Variants in PRMT8 observed in about 807,000 individuals in gnomAD.
PRMT8 encodes the protein protein arginine N-methyltransferase 8.
PRMT8 carries 7 observed loss-of-function variants against 47.1 expected under a neutral mutation model. The ratio of observed to expected loss-of-function variants is 0.15; its 90% CI spans 0.08 to 0.28. The LOEUF (loss-of-function observed/expected upper bound fraction) is 0.28. Among genes scored for constraint, PRMT8 ranks in the 10% least tolerant of loss-of-function variants. The probability of loss-of-function intolerance (pLI) is 1.00; values close to 1 mark genes in which losing one functional copy is unlikely to be tolerated. For missense variants in PRMT8, 237 were observed against 505.4 expected, an observed-to-expected ratio of 0.47 and a Z score of 5.09; for synonymous variants, 188 against 186.5, an observed-to-expected ratio of 1.01 and a Z score of -0.07.
chr12:3,568,040 C>A (rs887377894), intron 4 of PRMT8, among the ~76,000 whole-genome samples: 3 of 150,964 alleles, frequency 2.0e-5, no homozygotes, highest in East Asian at 1.9e-4. Flanking sequence ...CCACTGCACT[C>A]CAGCCTGGGC....
chr12:3,435,160 G>A (rs572468791), intron 1 of PRMT8, among the ~76,000 whole-genome samples: 21 of 151,932 alleles, frequency 1.4e-4, no homozygotes, highest in Non-Finnish European at 2.6e-4. Flanking sequence ...GTAGAGATGG[G>A]GTTTCACCAT....
At chr12:3,385,589 G>A (rs1459750943) in intron 1 of PRMT8, among the ~76,000 whole-genome samples, 1 of 128,522 alleles carries the variant, frequency 7.8e-6, no homozygotes. Context: ...CACTTTATTA[G>A]GCTATGTCTT....
intron 1 of PRMT8, among the ~76,000 whole-genome samples, chr12:3,397,813 G>A (rs900752671): frequency 6.6e-6 from 1 of 152,084 alleles, no homozygotes; most frequent in Admixed American, 6.5e-5. Flanking sequence ...CCCCAGCCTC[G>A]CTGCCGCCTT....
At chr12:3,540,581 C>A (rs1253135048) in intron 1 of PRMT8, 25 bp from the exon 2 acceptor site, 2 of 1,499,204 alleles carry the variant, frequency 1.3e-6, no homozygotes, top group Non-Finnish European at 1.9e-6. Flanking sequence ...TCTCCTAACA[C>A]CCGACCCCCT....
At chr12:3,470,183 G>A (rs1356038692) in intron 1 of PRMT8, among the ~76,000 whole-genome samples, 1 of 152,212 alleles carries the variant, frequency 6.6e-6, no homozygotes, top group Admixed American at 6.5e-5. Flanking sequence ...AAATAGCAGG[G>A]AATGGGATGC....
At chr12:3,487,209 G>A (rs1437686589), upstream of PRMT8, among the ~76,000 whole-genome samples, 1 of 152,232 alleles carries the variant, frequency 6.6e-6, no homozygotes, top group Non-Finnish European at 1.5e-5. Flanking sequence ...ATTCACTGCA[G>A]TGTGCTGTGG....
intron 1 of PRMT8, among the ~76,000 whole-genome samples, chr12:3,481,520 C>T (rs1420257304): frequency 4.6e-5 from 7 of 152,192 alleles, no homozygotes; most frequent in Admixed American, 4.6e-4. Context: ...TCTAATTCTG[C>T]ACAACATCCA....
In PRMT8 at chr12:3,508,948, C is replaced by G. The variant is rs191422948; in HGVS notation, c.75+17248C>G. ...TCCATAACAAGACCTGGCGATTCTA[C>G]ATCTGAAATGTTTCTCCTCTTTGTC... is the stretch of plus-strand genomic sequence containing the variant. On this transcript the variant is annotated intron_variant, in intron 1 of 9. Coordinates refer to ENST00000382622, the MANE Select transcript of PRMT8 (RefSeq NM_019854.5). The surrounding 1 kb of genome is among the most constrained non-coding windows in gnomAD (Gnocchi z 4.9). Among the ~76,000 whole-genome samples the G allele has an allele frequency of 2.3e-3, 352 of 152,304 alleles. 5 individuals carry two copies. The highest frequency in any genetic ancestry group is 0.014 in the Middle Eastern group (4 of 294).
rs777360845 is a variant in PRMT8 at position 3,564,192 on chromosome 12, G to A, written c.482-4514G>A. ...GCGAGCGAAGGGCTTTGCTGCAGTG[G>A]GGTTGGCAGGGGGGTCAGGGGGCTT... is the stretch of plus-strand genomic sequence containing the variant. On this transcript the variant is annotated intron_variant, in intron 4 of 9. Coordinates refer to ENST00000382622, the MANE Select transcript of PRMT8 (RefSeq NM_019854.5). This position sits in a 1 kb window ranked among gnomAD's most constrained non-coding sequence, Gnocchi z 4.0. Among the ~76,000 whole-genome samples the A allele has an allele frequency of 6.6e-5, 10 of 152,144 alleles. No individual in the cohort carries two copies. Among genetic ancestry groups the A allele is most frequent in the Non-Finnish European group, 1.2e-4 (8 of 68,032 alleles).
At chr12:3,441,519 C>T (rs556309373) in intron 1 of PRMT8, among the ~76,000 whole-genome samples, 1 of 152,302 alleles carries the variant, frequency 6.6e-6, no homozygotes, top group East Asian at 1.9e-4. Flanking sequence ...CACCTGTAAC[C>T]TTTGGGCCTC....
rs754816292 is a variant in PRMT8, at chr12:3,436,590, G to A, written c.48+55148G>A. On this transcript the variant is annotated intron_variant, in intron 1 of 9. Transcript: ENST00000452611. This position sits in a 1 kb window ranked among gnomAD's most constrained non-coding sequence, Gnocchi z 4.2. ...TTTTTCTAAGAGGAGGCAGGAATGC[G>A]GCCGACTGGGCTCCACTGTCCCCTT... 2.0e-5 allele frequency among the ~76,000 whole-genome samples: 3 copies of A among 152,112 alleles called. No individual in the cohort carries two copies. Among genetic ancestry groups the A allele is most frequent in the African/African-American group, 7.2e-5 (3 of 41,416 alleles).
intron 1 of PRMT8, among the ~76,000 whole-genome samples, chr12:3,475,887 A>AG (rs1865207670): frequency 6.6e-6 from 1 of 152,224 alleles, no homozygotes; most frequent in Admixed American, 6.5e-5. Context: ...TATGTGGAGA[A>AG]GGGTCTGAGG....
chr12:3,553,143 AG>A (rs952422323), intron 3 of PRMT8: 1 of 199,664 alleles, frequency 5.0e-6, no homozygotes, highest in Non-Finnish European at 1.0e-5. Flanking sequence ...GGGGGGTGGG[AG>A]GGGAAGAGAA....
intron 1 of PRMT8, among the ~76,000 whole-genome samples, chr12:3,404,073 G>A (rs748728393): frequency 3.3e-4 from 50 of 152,070 alleles, no homozygotes; most frequent in Non-Finnish European, 6.3e-4. Flanking sequence ...TTGACATTTT[G>A]TCATAGTTAC....
chr12:3,540,665 C>G lies in PRMT8; in HGVS notation c.135C>G (p.Cys45Trp). ...QPVVPAKPVQ[C>W]VHHVSTQPSC... ...TCGTCCCTGCTAAGCCCGTGCAATG[C>G]GTCCATCATGTGTCCACTCAACCCA... is the stretch of plus-strand genomic sequence containing the variant. Residue 45 changes from cysteine (C) to tryptophan (W), a missense_variant, in exon 2 of 10, where the codon TGC (cysteine) becomes TGG (tryptophan). Cys to Trp is a radical substitution (Grantham distance 215). Around this residue, in one of 5 missense-constraint regions of PRMT8, gnomAD observed 43 missense variants for 32.4 expected, o/e 1.33. Transcript: ENST00000382622. 7.1e-7 allele frequency: 1 copy of G among 1,417,412 alleles called. No homozygotes were observed. The highest frequency in any genetic ancestry group is 9.5e-7 in the Non-Finnish European group (1 of 1,047,972). The allele number at this position is 1,417,412 out of a possible 1,614,324, so 87.8% of individuals were successfully genotyped here.
intron 1 of PRMT8, among the ~76,000 whole-genome samples, chr12:3,520,012 TAGAG>T (rs1172410187): frequency 6.6e-6 from 1 of 152,144 alleles, no homozygotes; most frequent in Non-Finnish European, 1.5e-5. Context: ...ATCTCTGAAA[TAGAG>T]AGATCTCATG....
At position 3,540,618 on chromosome 12, in the gene PRMT8, C is replaced by CCCGCG; in HGVS notation, c.90_91insGCGCC (p.Ser31AlafsTer37). Reference sequence around the variant, plus strand: ...CTCTTCCCCTCAGGTGAACAGCCCCCCCTCCCAGCCCCCCCAGCCCGTCGT... The same window carrying CCCGCG: ...CTCTTCCCCTCAGGTGAACAGCCCCCCCGCGCCTCCCAGCCCCCCCAGCCCGTCGT... On this transcript the variant is annotated frameshift_variant, in exon 2 of 10. Transcript: ENST00000382622. LOFTEE classifies it high-confidence loss of function. 1.8e-6 allele frequency: 2 copies of CCCGCG among 1,134,802 alleles called. No homozygotes were observed. The highest frequency in any genetic ancestry group is 2.7e-6 in the Non-Finnish European group (2 of 754,520). 70.3% of individuals were successfully genotyped at this position (1,134,802 alleles called of 1,614,324 possible). A position where few individuals can be genotyped will look rare whatever the true frequency, so the allele number is the denominator to read the frequency against.
intron 1 of PRMT8, among the ~76,000 whole-genome samples, chr12:3,433,262 G>T (rs1410768586): frequency 6.6e-6 from 1 of 152,226 alleles, no homozygotes; most frequent in African/African-American, 2.4e-5. Context: ...ACGATTATAA[G>T]AGGATGCCCA....
upstream of PRMT8, chr12:3,491,074 G>T: frequency 1.3e-6 from 1 of 769,134 alleles, no homozygotes; most frequent in Non-Finnish European, 1.6e-6. Flanking sequence ...GGAGACTAGG[G>T]GAGGGGGCGG....
Sources: allele counts gnomAD v4.1 joint callset (sites outside exome capture counted in the v4.1 genomes callset), GRCh38; gene constraint gnomAD v4.1.1; regional missense constraint gnomAD v4.1.1; non-coding constraint Gnocchi (gnomAD v3.1); transcripts MANE v1.5; gene names NCBI Gene and HGNC (gene_info 2026-07-23, HGNC 2026-07-21).